The following RIIAD1 variants were observed in gnomAD, a reference collection of about 807,000 sequenced individuals.
The protein encoded by RIIAD1 is RIIa domain-containing protein 1.
A neutral mutation model predicts 13.3 loss-of-function variants in RIIAD1; 15 were observed. The observed-to-expected ratio is 1.13, with a 90% CI of 0.76 to 1.74. The LOEUF is 1.74. Among genes scored for constraint, RIIAD1 ranks in the 40% most tolerant of loss-of-function variants. The pLI is 0.00. For missense variants in RIIAD1, 121 were observed against 112.2 expected (o/e 1.08, Z -0.35); for synonymous variants, 50 against 43.3 (o/e 1.16, Z -0.61).
At chr1:151,715,852 T>C (rs1401214826) in intron 4 of RIIAD1, 1 of 1,534,858 alleles carries the variant, frequency 6.5e-7, no homozygotes, top group African/African-American at 1.4e-5. Flanking sequence ...CCCCGAAGCC[T>C]CTTCAGCCTG....
chr1:151,726,733 A>G (rs1295860164), intron 2 of RIIAD1, among the ~76,000 whole-genome samples: 1 of 152,222 alleles, frequency 6.6e-6, no homozygotes, highest in Non-Finnish European at 1.5e-5. Context: ...ATAAAACTCT[A>G]TGCAATGTAA....
At chr1:151,724,948 C>T (rs958374224) in intron 2 of RIIAD1, among the ~76,000 whole-genome samples, 17 of 151,730 alleles carry the variant, frequency 1.1e-4, no homozygotes, top group Non-Finnish European at 2.1e-4. Flanking sequence ...TATAGGCACC[C>T]GCCACCACGC....
chr1:151,719,195 T>C (rs1311280159), upstream of RIIAD1, among the ~76,000 whole-genome samples: 1 of 152,154 alleles, frequency 6.6e-6, no homozygotes, highest in Non-Finnish European at 1.5e-5. Flanking sequence ...GTTGTACCAC[T>C]CATCAGACTC....
chr1:151,714,574 C>T, intron 4 of RIIAD1: 2 of 1,547,422 alleles, frequency 1.3e-6, no homozygotes, highest in Non-Finnish European at 8.7e-7. Flanking sequence ...TCCCCTGGCC[C>T]TGCAAAGGGC....
At chr1:151,722,961 G>A (rs1333654041) in intron 2 of RIIAD1, among the ~76,000 whole-genome samples, 2 of 152,222 alleles carry the variant, frequency 1.3e-5, no homozygotes, top group Non-Finnish European at 1.5e-5. Context: ...AGCTTAGAAA[G>A]GTGAAGTACC....
At chr1:151,717,152 AGGGGAGCCCGGCATCT>A (rs1673548642), upstream of RIIAD1, among the ~76,000 whole-genome samples, 1 of 152,102 alleles carries the variant, frequency 6.6e-6, no homozygotes. Context: ...GCGGGGAAAG[AGGGGAGCCCGGCATCT>A]GGGGAGCCCC....
intron 4 of RIIAD1, chr1:151,715,843 C>A: frequency 6.2e-7 from 1 of 1,602,344 alleles, no homozygotes; most frequent in Non-Finnish European, 8.5e-7. Context: ...CCCAGCCCAC[C>A]CCGAAGCCTC....
intron 4 of RIIAD1, 80 bp downstream of exon 4, chr1:151,728,973 A>C: frequency 1.6e-6 from 1 of 632,314 alleles, no homozygotes; most frequent in Non-Finnish European, 2.8e-6. Context: ...CCAGGGTGTG[A>C]AAGAAATCAA....
chr1:151,716,057 G>C, intron 4 of RIIAD1: 1 of 1,578,686 alleles, frequency 6.3e-7, no homozygotes. Flanking sequence ...GGGGAGCAGG[G>C]AGAGGCCCAA....
chr1:151,714,473 AGG>A (rs1395813372), exon 4 of RIIAD1: 1 of 750,636 alleles, frequency 1.3e-6, no homozygotes, highest in Admixed American at 2.0e-5. Flanking sequence ...ACAGAGAGAG[AGG>A]GGGACTTCCT....
intron 2 of RIIAD1, among the ~76,000 whole-genome samples, chr1:151,712,289 C>A (rs558550732): frequency 6.6e-6 from 1 of 152,220 alleles, no homozygotes. Flanking sequence ...CCCTCCACCA[C>A]GGTCACTTTT....
At chr1:151,719,047 A>G (rs1673689492), upstream of RIIAD1, among the ~76,000 whole-genome samples, 1 of 152,172 alleles carries the variant, frequency 6.6e-6, no homozygotes, top group Non-Finnish European at 1.5e-5. Flanking sequence ...ATGAATTAAA[A>G]TGAACTCCCC....
chr1:151,713,929 A>G (rs990858978), intron 3 of RIIAD1, among the ~76,000 whole-genome samples: 1 of 152,032 alleles, frequency 6.6e-6, no homozygotes, highest in African/African-American at 2.4e-5. Context: ...CTCTGAGGCC[A>G]CCCCTGCCTC....
Position 151,722,091 on chromosome 1 carries a change from G to A in RIIAD1, c.90G>A (p.Gln30=). 1 of 1,550,524 alleles carries A rather than the reference G, an allele frequency of 6.4e-7. No individual in the cohort carries two copies. Among genetic ancestry groups the A allele is most frequent in the Non-Finnish European group, 8.7e-7 (1 of 1,145,994 alleles). The change falls in exon 2 of 5, where the codon CAG becomes CAA. Residue 30 remains glutamine (Q), a synonymous_variant. Coordinates refer to ENST00000479191, the MANE Select transcript of RIIAD1 (RefSeq NM_001144956.3). ...QLEQLRKFKI[Q]TRIANEKYLR... is the part of the protein sequence containing the mutation. Reference sequence around the variant, plus strand: ...CCTTTGTTCTTGCCCCCCAGATTCAGACTCGGATTGCTAACGAAAAGTACC... The same window carrying A: ...CCTTTGTTCTTGCCCCCCAGATTCAAACTCGGATTGCTAACGAAAAGTACC...
intron 3 of RIIAD1, among the ~76,000 whole-genome samples, chr1:151,713,946 C>A (rs1184862978): frequency 1.3e-5 from 2 of 152,210 alleles, no homozygotes; most frequent in Non-Finnish European, 2.9e-5. Flanking sequence ...CCTCCCTGGG[C>A]ATACCTGGTG....
chr1:151,715,179 G>C (rs971949344), intron 4 of RIIAD1, among the ~76,000 whole-genome samples: 2 of 152,068 alleles, frequency 1.3e-5, no homozygotes, highest in African/African-American at 2.4e-5. Context: ...CCTCTTCCCT[G>C]TGCCAGGTGG....
In RIIAD1 at chr1:151,728,887, C is replaced by A; in HGVS notation, c.*51C>A. On this transcript the variant is annotated 3_prime_UTR_variant, in exon 4 of 5. Transcript: ENST00000479191. ...TTGGGAGAGACCAGACGGAATCCAG[C>A]CTCGGGGTGGGTGTTAACCTCACTT... is the stretch of plus-strand genomic sequence containing the variant. The A allele has an allele frequency of 9.6e-7, 1 of 1,043,898 alleles. No individual in the cohort carries two copies. The highest frequency in any genetic ancestry group is 1.5e-6 in the Non-Finnish European group (1 of 684,298). The allele number at this position is 1,043,898 out of a possible 1,614,324, so 64.7% of individuals were successfully genotyped here. A position where few individuals can be genotyped will look rare whatever the true frequency, so the allele number is the denominator to read the frequency against.
chr1:151,719,451 A>C, upstream of RIIAD1: 5 of 570,460 alleles, frequency 8.8e-6, no homozygotes, highest in Non-Finnish European at 3.1e-6. Flanking sequence ...TTATAAAGGG[A>C]GAGCTCTGAT....
Position 151,727,621 on chromosome 1 carries a change from GGTGA to G in RIIAD1, c.208+3_208+6del. On this transcript the variant is annotated splice_donor_variant and splice_donor_region_variant and intron_variant, in intron 3 of 4. Transcript: ENST00000479191. LOFTEE classifies it high-confidence loss of function. ...AGACAACATCCTAGAATTTGCTGCAGGTGAGTAAGGCAGCGTCGGTTTTGGGTAT... is the reference window on the plus strand; with the variant it reads ...AGACAACATCCTAGAATTTGCTGCAGGTAAGGCAGCGTCGGTTTTGGGTAT... The G allele has an allele frequency of 6.5e-7, 1 of 1,547,580 alleles. No individual in the cohort carries two copies. The highest frequency in any genetic ancestry group is 1.2e-5 in the South Asian group (1 of 84,000).
Sources: allele counts gnomAD v4.1 joint callset (sites outside exome capture counted in the v4.1 genomes callset), GRCh38; gene constraint gnomAD v4.1.1; transcripts MANE v1.5; gene names NCBI Gene and HGNC (gene_info 2026-07-23, HGNC 2026-07-21).